SYN3: variants seen among roughly 807,000 people sequenced by gnomAD.
The protein encoded by SYN3 is synapsin III.
A neutral mutation model predicts 65.8 loss-of-function variants in SYN3; 35 were observed. That is an observed-to-expected ratio of 0.53 (90% CI 0.41 to 0.70). The LOEUF is 0.70. Ranked by LOEUF, SYN3 falls within the 30% of genes least tolerant of loss-of-function variation. The pLI, the probability that SYN3 is intolerant of heterozygous loss-of-function variation, is 0.00. For missense variants in SYN3, 680 were observed against 749.0 expected, an observed-to-expected ratio of 0.91 and a Z score of 1.08; for synonymous variants, 270 against 292.9, an observed-to-expected ratio of 0.92 and a Z score of 0.80.
intron 3 of SYN3, among the ~76,000 whole-genome samples, chr22:32,980,216 C>T (rs1208557405): frequency 6.6e-6 from 1 of 152,118 alleles, no homozygotes; most frequent in African/African-American, 2.4e-5. Context: ...ATTAAGTCAC[C>T]TACCCAAAAC....
chr22:32,850,669 G>A (rs570060476), intron 6 of SYN3, among the ~76,000 whole-genome samples: 2 of 152,258 alleles, frequency 1.3e-5, no homozygotes, highest in South Asian at 4.1e-4. Context: ...GTGTGCTGAG[G>A]TCCACAGGAA....
At chr22:32,958,940 C>A (rs537200507) in intron 3 of SYN3, among the ~76,000 whole-genome samples, 26 of 152,236 alleles carry the variant, frequency 1.7e-4, no homozygotes, top group African/African-American at 4.8e-4. Context: ...CCCCTATAAT[C>A]CCAGCACTTT....
chr22:33,003,057 G>A (rs1268710780), intron 2 of SYN3, among the ~76,000 whole-genome samples: 1 of 152,206 alleles, frequency 6.6e-6, no homozygotes, highest in African/African-American at 2.4e-5. Context: ...GCCACCCTGT[G>A]AAGAGGTGGC....
At chr22:32,731,000 C>T (rs922054028) in intron 6 of SYN3, among the ~76,000 whole-genome samples, 6 of 152,282 alleles carry the variant, frequency 3.9e-5, no homozygotes, top group South Asian at 2.1e-4. Flanking sequence ...CCAGATTGCA[C>T]GGTCCCAGAG....
At chr22:32,515,839 C>T (rs906136094) in intron 13 of SYN3, among the ~76,000 whole-genome samples, 1 of 151,912 alleles carries the variant, frequency 6.6e-6, no homozygotes, top group Non-Finnish European at 1.5e-5. Flanking sequence ...TGCTCTGTCA[C>T]CCAGGCTGGA....
At chr22:32,734,538 G>A (rs1257721713) in intron 6 of SYN3, among the ~76,000 whole-genome samples, 2 of 80,570 alleles carry the variant, frequency 2.5e-5, no homozygotes, top group African/African-American at 1.0e-4. Context: ...GACAGACATC[G>A]CCCTGGGAGG....
chr22:32,698,080 C>T (rs762712392), intron 6 of SYN3, among the ~76,000 whole-genome samples: 3 of 152,132 alleles, frequency 2.0e-5, no homozygotes, highest in Non-Finnish European at 2.9e-5. Context: ...GCAATAAACA[C>T]TTATTGTTTG....
Position 32,854,782 on chromosome 22 carries a change from G to T in SYN3, c.711+10133C>A, listed in dbSNP as rs73885120. 9.4e-3 allele frequency among the ~76,000 whole-genome samples: 1,426 copies of T among 152,312 alleles called. 29 individuals carry two copies. The highest frequency in any genetic ancestry group is 0.033 in the African/African-American group (1,387 of 41,580). On this transcript the variant is annotated intron_variant, in intron 6 of 13. Transcript: ENST00000358763. ...GCACTTGGCTGCGTTACCGTGCTCA[G>T]TTGGCAAGCCTTGGGGGAGAAGAGA...
chr22:32,827,909 G>A (rs945313870), intron 6 of SYN3, among the ~76,000 whole-genome samples: 5 of 152,232 alleles, frequency 3.3e-5, no homozygotes, highest in Admixed American at 2.6e-4. Flanking sequence ...TCTCATCATG[G>A]AGGTCTCAAC....
chr22:32,867,755 G>C (rs1255567483), intron 5 of SYN3, among the ~76,000 whole-genome samples: 2 of 152,140 alleles, frequency 1.3e-5, no homozygotes, highest in African/African-American at 4.8e-5. Context: ...GCTAATTCTT[G>C]TGTTTTTAGT....
At chr22:32,756,037 CAG>C (rs1027133012) in intron 6 of SYN3, among the ~76,000 whole-genome samples, 2 of 147,974 alleles carry the variant, frequency 1.4e-5, no homozygotes, top group African/African-American at 5.1e-5. Flanking sequence ...TGCATGGACA[CAG>C]GGAGAGGAAC....
At chr22:32,744,945 G>A (rs899702895) in intron 6 of SYN3, among the ~76,000 whole-genome samples, 2 of 152,212 alleles carry the variant, frequency 1.3e-5, no homozygotes, top group African/African-American at 4.8e-5. Flanking sequence ...GAAGGTGAAG[G>A]AAGGAAAGCA....
At chr22:32,544,004 T>A (rs1237550935) in intron 7 of SYN3, among the ~76,000 whole-genome samples, 1 of 152,162 alleles carries the variant, frequency 6.6e-6, no homozygotes, top group Non-Finnish European at 1.5e-5. Context: ...TGTGGCATGA[T>A]CATGGCTCAC....
At chr22:32,968,249 T>G (rs2051908072) in intron 3 of SYN3, among the ~76,000 whole-genome samples, 1 of 152,344 alleles carries the variant, frequency 6.6e-6, no homozygotes, top group East Asian at 1.9e-4. Flanking sequence ...GTGGCGAGGA[T>G]GTACATGCAT....
intron 6 of SYN3, among the ~76,000 whole-genome samples, chr22:32,598,008 C>G (rs978449442): frequency 1.3e-5 from 2 of 152,144 alleles, no homozygotes; most frequent in African/African-American, 4.8e-5. Flanking sequence ...TTCTTGATTT[C>G]TAGAAGAACA....
chr22:32,650,495 G>A (rs887236083), intron 6 of SYN3, among the ~76,000 whole-genome samples: 1 of 152,002 alleles, frequency 6.6e-6, no homozygotes, highest in South Asian at 2.1e-4. Flanking sequence ...CAAACTCCTG[G>A]GCTCAAGCGA....
intron 6 of SYN3, among the ~76,000 whole-genome samples, chr22:32,823,212 C>A (rs545607259): frequency 1.3e-5 from 2 of 152,178 alleles, no homozygotes; most frequent in East Asian, 3.8e-4. Flanking sequence ...CTTTCCTAGG[C>A]GCCACCTTCT....
chr22:32,698,018 C>T (rs1323131060), intron 6 of SYN3, among the ~76,000 whole-genome samples: 6 of 152,132 alleles, frequency 3.9e-5, no homozygotes, highest in Non-Finnish European at 7.3e-5. Flanking sequence ...GCTACGTGAA[C>T]AAGACCAGGC....
chr22:33,027,379 C>G (rs1022853302), intron 1 of SYN3, among the ~76,000 whole-genome samples: 1 of 152,022 alleles, frequency 6.6e-6, no homozygotes, highest in Non-Finnish European at 1.5e-5. Flanking sequence ...GGCAGATCGC[C>G]TGAGGTCAAG....
Sources: allele counts gnomAD v4.1 joint callset (sites outside exome capture counted in the v4.1 genomes callset), GRCh38; gene constraint gnomAD v4.1.1; transcripts MANE v1.5; gene names NCBI Gene and HGNC (gene_info 2026-07-23, HGNC 2026-07-21).